The following MGAT5 variants were observed in gnomAD, a reference collection of about 807,000 sequenced individuals.
The protein encoded by MGAT5 is alpha-1,6-mannosylglycoprotein 6-beta-N-acetylglucosaminyltransferase A.
In MGAT5, 30 loss-of-function variants were observed where a neutral mutation model predicts 94.3. That is an observed-to-expected ratio of 0.32 (90% CI 0.24 to 0.43). MGAT5 has a LOEUF of 0.43. MGAT5 is among the 20% of genes least tolerant of loss of function. The pLI is 1.00. For synonymous variants in MGAT5, 310 were observed against 322.9 expected, an observed-to-expected ratio of 0.96 and a Z score of 0.43; for missense variants, 691 against 905.5, an observed-to-expected ratio of 0.76 and a Z score of 3.04.
intron 1 of MGAT5, among the ~76,000 whole-genome samples, chr2:134,265,788 A>G (rs139541255): frequency 2.3e-3 from 358 of 152,342 alleles, no homozygotes; most frequent in African/African-American, 8.2e-3. Context: ...AAAATATACT[A>G]GAATTTGGAG....
rs145508389 is a variant in MGAT5 at position 134,290,002 on chromosome 2, G to A, written c.406+19452G>A. On this transcript the variant is annotated intron_variant, in intron 2 of 15. Transcript: ENST00000281923. The stretch of plus-strand genomic sequence containing the variant: ...TATGTACTGTGAGTATATATGCTGA[G>A]TGCTATGAGTCCTCCTAGCAAATCA... Among the ~76,000 whole-genome samples the A allele has an allele frequency of 3.0e-3, 462 of 152,252 alleles. 5 individuals are homozygous for A. The highest frequency in any genetic ancestry group is 0.011 in the African/African-American group (439 of 41,552).
At chr2:134,223,005 ATATC>A (rs1244849514) in intron 1 of MGAT5, among the ~76,000 whole-genome samples, 1 of 152,108 alleles carries the variant, frequency 6.6e-6, no homozygotes, top group Non-Finnish European at 1.5e-5. Context: ...TTATATATCT[ATATC>A]TATATTTATC....
At chr2:134,342,273 C>T (rs1688676491) in intron 7 of MGAT5, among the ~76,000 whole-genome samples, 2 of 152,136 alleles carry the variant, frequency 1.3e-5, no homozygotes, top group Admixed American at 1.3e-4. Flanking sequence ...CTGAAATTTG[C>T]TTCTAGCTCC....
chr2:134,243,112 A>G (rs1179096131), intron 1 of MGAT5, among the ~76,000 whole-genome samples: 2 of 152,032 alleles, frequency 1.3e-5, no homozygotes, highest in Admixed American at 1.3e-4. Context: ...GATAGGGCCA[A>G]TAGAGTTGTT....
At chr2:134,324,922 CTGTTCAGCCTTTAT>C (rs1258842075) in intron 4 of MGAT5, among the ~76,000 whole-genome samples, 1 of 151,802 alleles carries the variant, frequency 6.6e-6, no homozygotes, top group Admixed American at 6.6e-5. Context: ...TTCACCTTCT[CTGTTCAGCCTTTAT>C]TGGTATCTTT....
intron 15 of MGAT5, among the ~76,000 whole-genome samples, chr2:134,442,368 G>A (rs1014336038): frequency 2.0e-5 from 3 of 152,068 alleles, no homozygotes; most frequent in African/African-American, 7.2e-5. Context: ...TTCAACCCTG[G>A]AGTCAGAAAG....
chr2:134,146,877 T>G (rs1022478925), intron 1 of MGAT5, among the ~76,000 whole-genome samples: 1 of 152,298 alleles, frequency 6.6e-6, no homozygotes. Context: ...TGGAAGGAAT[T>G]TAAAAAGTCA....
chr2:134,123,748 T>G (rs948350313), intron 1 of MGAT5, among the ~76,000 whole-genome samples: 1 of 152,142 alleles, frequency 6.6e-6, no homozygotes, highest in Non-Finnish European at 1.5e-5. Flanking sequence ...TTACTGTAAT[T>G]CAGATGATAC....
intron 1 of MGAT5, among the ~76,000 whole-genome samples, chr2:134,181,634 A>G (rs1216962236): frequency 6.6e-6 from 1 of 152,208 alleles, no homozygotes; most frequent in South Asian, 2.1e-4. Context: ...TGGTTTGTCT[A>G]AATTCTAAAT....
intron 1 of MGAT5, among the ~76,000 whole-genome samples, chr2:134,226,968 A>ATTT (rs33946190): frequency 9.1e-5 from 13 of 143,134 alleles, no homozygotes; most frequent in African/African-American, 3.1e-4. Context: ...AGATAGTCCT[A>ATTT]TTTTTTTTTT....
chr2:134,432,239 TTC>T (rs1296877186), intron 14 of MGAT5, among the ~76,000 whole-genome samples: 1 of 152,242 alleles, frequency 6.6e-6, no homozygotes, highest in African/African-American at 2.4e-5. Flanking sequence ...GAATTATATT[TTC>T]TGTTTCCTGT....
At chr2:134,347,069 A>G (rs1424920273) in intron 8 of MGAT5, among the ~76,000 whole-genome samples, 1 of 152,212 alleles carries the variant, frequency 6.6e-6, no homozygotes, top group Non-Finnish European at 1.5e-5. Flanking sequence ...TAGTCGGCCT[A>G]TGATGCTCCA....
At chr2:134,176,964 G>C (rs1412471117) in intron 1 of MGAT5, among the ~76,000 whole-genome samples, 2 of 152,184 alleles carry the variant, frequency 1.3e-5, no homozygotes, top group Non-Finnish European at 2.9e-5. Flanking sequence ...GGACATGTGG[G>C]ACCAGGAACA....
At chr2:134,131,004 C>T (rs898084852) in intron 1 of MGAT5, among the ~76,000 whole-genome samples, 6 of 152,352 alleles carry the variant, frequency 3.9e-5, no homozygotes, top group Admixed American at 3.3e-4. Context: ...CTGGCACTGG[C>T]AACCCCCTGG....
Position 134,301,946 on chromosome 2 carries a change from C to A in MGAT5, c.407-15583C>A, listed in dbSNP as rs141964339. ...CTGGGGGATGCAAGTCTTCACTATT[C>A]CACTTCCTAGATACCAAAAAAATTC... On this transcript the variant is annotated intron_variant, in intron 2 of 15. Transcript: ENST00000281923. 1.3e-3 allele frequency among the ~76,000 whole-genome samples: 193 copies of A among 152,274 alleles called. 2 individuals carry two copies. Among genetic ancestry groups the A allele is most frequent in the African/African-American group, 4.4e-3 (184 of 41,554 alleles).
At chr2:134,288,781 C>A (rs1685169799) in intron 2 of MGAT5, among the ~76,000 whole-genome samples, 1 of 152,138 alleles carries the variant, frequency 6.6e-6, no homozygotes, top group African/African-American at 2.4e-5. Flanking sequence ...AGAAATATTG[C>A]TGTTGTAGCC....
intron 2 of MGAT5, among the ~76,000 whole-genome samples, chr2:134,288,812 C>T (rs1474213941): frequency 6.6e-6 from 1 of 152,162 alleles, no homozygotes; most frequent in Non-Finnish European, 1.5e-5. Flanking sequence ...CTGACAGCCA[C>T]CCATTCCCCT....
At chr2:134,225,953 G>C (rs1681040299) in intron 1 of MGAT5, among the ~76,000 whole-genome samples, 1 of 152,198 alleles carries the variant, frequency 6.6e-6, no homozygotes, top group African/African-American at 2.4e-5. Context: ...GAGCTGTCCT[G>C]ATTCCTCTTC....
chr2:134,308,258 A>G (rs906823819), intron 2 of MGAT5, among the ~76,000 whole-genome samples: 3 of 151,940 alleles, frequency 2.0e-5, no homozygotes, highest in African/African-American at 4.8e-5. Flanking sequence ...CTCAAATCCC[A>G]TTTTTCCAGT....
Sources: allele counts gnomAD v4.1 joint callset (sites outside exome capture counted in the v4.1 genomes callset), GRCh38; gene constraint gnomAD v4.1.1; transcripts MANE v1.5; gene names NCBI Gene and HGNC (gene_info 2026-07-23, HGNC 2026-07-21).